Variants in RALYL observed in about 807,000 individuals in gnomAD.
RALYL encodes the protein RNA-binding Raly-like protein.
A neutral mutation model predicts 35.1 loss-of-function variants in RALYL; 29 were observed. That is an observed-to-expected ratio of 0.83 (90% CI 0.61 to 1.13). RALYL has a LOEUF of 1.13. Among genes scored for constraint, RALYL ranks in the 50% most tolerant of loss-of-function variants. The pLI is 0.00. For synonymous variants in RALYL, 120 were observed against 127.6 expected, an observed-to-expected ratio of 0.94 and a Z score of 0.40; for missense variants, 359 against 360.4, an observed-to-expected ratio of 1.00 and a Z score of 0.03.
At chr8:84,517,168 AT>A (rs1321423972) in intron 1 of RALYL, among the ~76,000 whole-genome samples, 3 of 152,212 alleles carry the variant, frequency 2.0e-5, no homozygotes, top group Admixed American at 6.5e-5. Flanking sequence ...CCATGCAGTC[AT>A]TCTGGCCCCA....
chr8:84,435,752 T>G (rs1435760707), intron 1 of RALYL, among the ~76,000 whole-genome samples: 1 of 152,144 alleles, frequency 6.6e-6, no homozygotes, highest in Non-Finnish European at 1.5e-5. Flanking sequence ...TCCTGAATCT[T>G]ACTAGATTGT....
At chr8:84,230,646 G>T (rs953379093) in intron 1 of RALYL, among the ~76,000 whole-genome samples, 8 of 152,134 alleles carry the variant, frequency 5.3e-5, no homozygotes, top group Admixed American at 2.6e-4. Flanking sequence ...TACCAGTATA[G>T]TTACTACTAT....
At chr8:84,602,061 G>A (rs1588445613) in intron 2 of RALYL, among the ~76,000 whole-genome samples, 2 of 151,624 alleles carry the variant, frequency 1.3e-5, no homozygotes, top group South Asian at 4.2e-4. Context: ...CTCTCTCTTC[G>A]TGACCTCATC....
chr8:84,681,354 A>G (rs917284015), intron 2 of RALYL, among the ~76,000 whole-genome samples: 2 of 152,184 alleles, frequency 1.3e-5, no homozygotes, highest in Non-Finnish European at 2.9e-5. Context: ...CTTCCATATG[A>G]ACATTAAAGT....
intron 4 of RALYL, among the ~76,000 whole-genome samples, chr8:84,821,953 A>T (rs1279233155): frequency 6.6e-6 from 1 of 152,196 alleles, no homozygotes; most frequent in Admixed American, 6.6e-5. Context: ...ACTAGATCAC[A>T]TTCAAAATAT....
In RALYL at chr8:84,544,850, C is replaced by A. The variant is rs536357240; in HGVS notation, c.256+15273C>A. ...TACAACACAAAATATATTTGTAAAACTTGAATTTTTCCCCATCTGATGGAT... is the reference window on the plus strand; with the variant it reads ...TACAACACAAAATATATTTGTAAAAATTGAATTTTTCCCCATCTGATGGAT... On this transcript the variant is annotated intron_variant, in intron 2 of 8. Coordinates refer to ENST00000521268, the MANE Select transcript of RALYL (RefSeq NM_173848.7). 1.3e-4 allele frequency among the ~76,000 whole-genome samples: 20 copies of A among 152,026 alleles called. 2 individuals are homozygous for A. The South Asian group carries it at 3.9e-3, about 30-fold the overall frequency.
intron 2 of RALYL, among the ~76,000 whole-genome samples, chr8:84,758,785 C>A (rs1384878599): frequency 2.0e-5 from 3 of 152,168 alleles, no homozygotes. Context: ...TCACTAAGTC[C>A]AACCCACACT....
At chr8:84,405,823 CTTT>C (rs776007226) in intron 1 of RALYL, among the ~76,000 whole-genome samples, 12 of 118,150 alleles carry the variant, frequency 1.0e-4, no homozygotes, top group Non-Finnish European at 3.5e-5. Context: ...TATTTTCATT[CTTT>C]TTTTTTTTTT....
chr8:84,653,690 C>T (rs925590878), intron 2 of RALYL, among the ~76,000 whole-genome samples: 2 of 151,760 alleles, frequency 1.3e-5, no homozygotes, highest in African/African-American at 4.8e-5. Context: ...AACATACCTC[C>T]TGACATACCT....
At chr8:84,813,072 G>A (rs1445661250) in intron 4 of RALYL, among the ~76,000 whole-genome samples, 3 of 152,150 alleles carry the variant, frequency 2.0e-5, no homozygotes, top group Non-Finnish European at 2.9e-5. Flanking sequence ...AAGACCCAGC[G>A]AGCTCCCGGG....
At chr8:84,762,564 G>A (rs1812967469) in intron 2 of RALYL, among the ~76,000 whole-genome samples, 1 of 152,130 alleles carries the variant, frequency 6.6e-6, no homozygotes, top group African/African-American at 2.4e-5. Context: ...TATAGGCCTT[G>A]CCATAAGCAA....
At position 84,632,754 on chromosome 8, in the gene RALYL, A is replaced by G. The variant is rs150681951; in HGVS notation, c.256+103177A>G. On this transcript the variant is annotated intron_variant, in intron 2 of 8. Transcript: ENST00000521268. ...CACCAAGTTTTGTAGAAAGCCTTATAAATATCTCCAAACAACATTATTTTG... is the reference window on the plus strand; with the variant it reads ...CACCAAGTTTTGTAGAAAGCCTTATGAATATCTCCAAACAACATTATTTTG... Among the ~76,000 whole-genome samples the G allele has an allele frequency of 2.0e-3, 309 of 152,072 alleles. 1 individual carries two copies. The highest frequency in any genetic ancestry group is 7.2e-3 in the African/African-American group (300 of 41,530).
intron 1 of RALYL, among the ~76,000 whole-genome samples, chr8:84,447,005 C>T (rs1235356314): frequency 2.0e-5 from 3 of 152,058 alleles, no homozygotes; most frequent in African/African-American, 7.2e-5. Flanking sequence ...CTGCAAATTG[C>T]GCACTAATTT....
chr8:84,617,958 G>A (rs1330202513), intron 2 of RALYL, among the ~76,000 whole-genome samples: 2 of 151,726 alleles, frequency 1.3e-5, no homozygotes, highest in Non-Finnish European at 2.9e-5. Context: ...TGATCATGGT[G>A]GATAAGCCTT....
intron 2 of RALYL, among the ~76,000 whole-genome samples, chr8:84,773,386 T>G (rs1347549437): frequency 1.3e-5 from 2 of 152,224 alleles, no homozygotes; most frequent in Non-Finnish European, 2.9e-5. Context: ...CTTTCCTTTC[T>G]GTCAAAATAA....
rs578231513 is a variant in RALYL, at chr8:84,619,756, G to A, written c.256+90179G>A. ...CCGGTTGTTCCTTTCCATGTTTAGC[G>A]CTTCCTTCAGGAGCTCTTTTAGGGC... On this transcript the variant is annotated intron_variant, in intron 2 of 8. Transcript: ENST00000521268. 1.0e-3 allele frequency among the ~76,000 whole-genome samples: 158 copies of A among 151,494 alleles called. 4 individuals carry two copies. The highest frequency in any genetic ancestry group is 3.4e-3 in the African/African-American group (139 of 40,994).
intron 1 of RALYL, among the ~76,000 whole-genome samples, chr8:84,222,600 G>A (rs964927911): frequency 8.5e-5 from 13 of 152,072 alleles, no homozygotes; most frequent in African/African-American, 4.8e-5. Context: ...AGGAAAAGAC[G>A]GCACATGACT....
intron 8 of RALYL, among the ~76,000 whole-genome samples, chr8:84,920,338 T>C (rs1444684576): frequency 6.6e-6 from 1 of 152,078 alleles, no homozygotes; most frequent in Non-Finnish European, 1.5e-5. Flanking sequence ...CCAATTGAAT[T>C]TGGGCTCTTA....
chr8:84,401,340 T>C (rs562195669), intron 1 of RALYL, among the ~76,000 whole-genome samples: 447 of 152,086 alleles, frequency 2.9e-3, no homozygotes, highest in African/African-American at 9.3e-3. Context: ...TATGGAACAT[T>C]TGAAAATATG....
Sources: gnomAD v4.1 joint callset for allele counts (sites outside exome capture counted in the v4.1 genomes callset) on GRCh38, gnomAD v4.1.1 for gene constraint, MANE v1.5 for transcripts, NCBI Gene and HGNC (gene_info 2026-07-23, HGNC 2026-07-21) for gene names.